Variants in SCLT1 observed in about 807,000 individuals in gnomAD.
SCLT1 encodes the protein sodium channel-associated protein 1.
SCLT1 carries 78 observed loss-of-function variants against 112.8 expected under a neutral mutation model. The observed-to-expected ratio is 0.69, with a 90% confidence interval of 0.58 to 0.83. The LOEUF is 0.83. Ranked by LOEUF, SCLT1 falls within the 40% of genes least tolerant of loss-of-function variation. The probability of loss-of-function intolerance (pLI) is 0.00; values close to 1 mark genes in which losing one functional copy is unlikely to be tolerated. For synonymous variants in SCLT1, 257 were observed against 254.7 expected (o/e 1.01, Z -0.09); for missense variants, 747 against 770.4 (o/e 0.97, Z 0.36).
At chr4:128,981,188 T>C (rs893110365) in intron 9 of SCLT1, among the ~76,000 whole-genome samples, 5 of 152,154 alleles carry the variant, frequency 3.3e-5, no homozygotes, top group African/African-American at 4.8e-5. Context: ...TGGTAAGATA[T>C]CAGATCTAAC....
At chr4:128,952,661 G>T in intron 14 of SCLT1, 108 bp downstream of exon 14, 1 of 747,258 alleles carries the variant, frequency 1.3e-6, no homozygotes, top group South Asian at 1.5e-5. Flanking sequence ...ACCTAGCCAG[G>T]GCTTGGTTTA....
intron 20 of SCLT1, among the ~76,000 whole-genome samples, chr4:128,885,511 T>C (rs1352041326): frequency 6.6e-6 from 1 of 152,250 alleles, no homozygotes; most frequent in Admixed American, 6.5e-5. Flanking sequence ...AGGCCTACTA[T>C]ACTTTATTCC....
intron 5 of SCLT1, among the ~76,000 whole-genome samples, chr4:129,005,048 C>T (rs375259832): frequency 6.6e-6 from 1 of 151,716 alleles, no homozygotes; most frequent in African/African-American, 2.4e-5. Flanking sequence ...ATGAAAAAAA[C>T]CATTATTAAT....
intron 18 of SCLT1, among the ~76,000 whole-genome samples, chr4:128,917,710 A>G (rs986718221): frequency 6.6e-6 from 1 of 152,220 alleles, no homozygotes; most frequent in Non-Finnish European, 1.5e-5. Context: ...TATAGTGAAA[A>G]TGTTCCAAGA....
chr4:129,057,900 C>G (rs1368516915), intron 2 of SCLT1, among the ~76,000 whole-genome samples: 2 of 151,930 alleles, frequency 1.3e-5, no homozygotes, highest in East Asian at 3.9e-4. Flanking sequence ...TACAGGCACC[C>G]ACCACCACGC....
At chr4:129,026,141 C>T (rs1157937885) in intron 5 of SCLT1, among the ~76,000 whole-genome samples, 23 of 152,046 alleles carry the variant, frequency 1.5e-4, no homozygotes, top group African/African-American at 3.4e-4. Flanking sequence ...GACAGATCAA[C>T]GAGACAGAAA....
intron 5 of SCLT1, among the ~76,000 whole-genome samples, chr4:129,012,597 G>A (rs946665297): frequency 6.6e-6 from 1 of 151,942 alleles, no homozygotes; most frequent in Admixed American, 6.6e-5. Context: ...CTTGATGATT[G>A]GTCTAATATT....
intron 5 of SCLT1, among the ~76,000 whole-genome samples, chr4:129,038,538 T>C (rs902345857): frequency 2.0e-5 from 3 of 152,104 alleles, no homozygotes; most frequent in African/African-American, 7.2e-5. Context: ...AGCAAGGGAA[T>C]GATAAACACA....
At chr4:128,964,496 A>T (rs1287567024) in intron 11 of SCLT1, among the ~76,000 whole-genome samples, 1 of 152,220 alleles carries the variant, frequency 6.6e-6, no homozygotes, top group Non-Finnish European at 1.5e-5. Context: ...AAAAGAATTG[A>T]TGATCAAGCT....
At chr4:128,881,357 T>C (rs1258875734), downstream of SCLT1, among the ~76,000 whole-genome samples, 1 of 152,198 alleles carries the variant, frequency 6.6e-6, no homozygotes, top group Non-Finnish European at 1.5e-5. Flanking sequence ...GTTTAAAGTG[T>C]TTTTTCACTC....
chr4:128,944,838 A>G (rs1348173453), intron 16 of SCLT1: 1 of 152,208 alleles, frequency 6.6e-6, no homozygotes, highest in Non-Finnish European at 1.5e-5. Flanking sequence ...TGCTTATAAA[A>G]AGAATGCATG....
At chr4:129,022,134 C>T (rs759737315) in intron 5 of SCLT1, among the ~76,000 whole-genome samples, 2 of 152,138 alleles carry the variant, frequency 1.3e-5, no homozygotes, top group Non-Finnish European at 2.9e-5. Context: ...AAGCCCCATC[C>T]AAAGCTCATC....
rs1748600278 is a variant in SCLT1, at chr4:129,049,922, A to T, written c.103-5871T>A. ...ACCCACAGACAGGCCCTGGTGTGTG[A>T]TGTTCCCCTCCTTGTGTCCCTGTGT... On this transcript the variant is annotated intron_variant, in intron 2 of 20. Coordinates refer to ENST00000281142, the MANE Select transcript of SCLT1 (RefSeq NM_144643.4). 2.0e-5 allele frequency among the ~76,000 whole-genome samples: 3 copies of T among 152,120 alleles called. No individual in the cohort carries two copies. In the South Asian group the frequency reaches 6.2e-4, roughly 32 times the overall value.
intron 18 of SCLT1, among the ~76,000 whole-genome samples, chr4:128,918,296 G>C (rs1343807239): frequency 2.0e-5 from 3 of 152,024 alleles, no homozygotes; most frequent in African/African-American, 7.2e-5. Flanking sequence ...ACAATAAAAT[G>C]GTACAGGACA....
intron 20 of SCLT1, among the ~76,000 whole-genome samples, chr4:128,887,752 T>G (rs974749120): frequency 3.3e-5 from 5 of 152,334 alleles, no homozygotes; most frequent in African/African-American, 1.2e-4. Context: ...TTCATTGTTA[T>G]TCTGCATTTT....
chr4:129,004,783 A>G (rs1215279956), intron 5 of SCLT1, among the ~76,000 whole-genome samples: 1 of 151,742 alleles, frequency 6.6e-6, no homozygotes, highest in Admixed American at 6.6e-5. Context: ...TGAAAACAAA[A>G]TTCATCAAAT....
intron 18 of SCLT1, among the ~76,000 whole-genome samples, chr4:128,921,516 T>G (rs1203660549): frequency 6.6e-6 from 1 of 151,972 alleles, no homozygotes; most frequent in Non-Finnish European, 1.5e-5. Context: ...CCACAATCAT[T>G]TGATCTTTGA....
At chr4:129,006,537 C>CAAA (rs57162820) in intron 5 of SCLT1, among the ~76,000 whole-genome samples, 31 of 133,466 alleles carry the variant, frequency 2.3e-4, no homozygotes, top group African/African-American at 7.1e-4. Flanking sequence ...GACTCTGTCT[C>CAAA]AAAAAAAAAA....
chr4:128,889,214 G>T (rs896491737), intron 19 of SCLT1, among the ~76,000 whole-genome samples: 1 of 152,176 alleles, frequency 6.6e-6, no homozygotes, highest in Non-Finnish European at 1.5e-5. Context: ...CACTGTTAGG[G>T]GTTGAATTGT....
Sources: allele counts gnomAD v4.1 joint callset (sites outside exome capture counted in the v4.1 genomes callset), GRCh38; gene constraint gnomAD v4.1.1; transcripts MANE v1.5; gene names NCBI Gene and HGNC (gene_info 2026-07-23, HGNC 2026-07-21).